Variants in YBEY observed in about 807,000 individuals in gnomAD.
The protein encoded by YBEY is endoribonuclease YbeY.
In YBEY, 15 loss-of-function variants were observed where a neutral mutation model predicts 13.5. The observed-to-expected ratio is 1.11, with a 90% CI of 0.75 to 1.72. The LOEUF is 1.72. YBEY is among the 40% of genes most tolerant of loss of function. YBEY has a pLI of 0.00. For synonymous variants in YBEY, 101 were observed against 83.1 expected, an observed-to-expected ratio of 1.21 and a Z score of -1.17; for missense variants, 244 against 208.4, an observed-to-expected ratio of 1.17 and a Z score of -1.05.
intron 3 of YBEY, among the ~76,000 whole-genome samples, chr21:46,295,397 C>A (rs978384446): frequency 7.9e-5 from 12 of 152,164 alleles, no homozygotes; most frequent in African/African-American, 2.9e-4. Flanking sequence ...TCCACCCAAA[C>A]CCCAGGGGAG....
In YBEY at chr21:46,297,579, G is replaced by T. The variant is rs61736728; in HGVS notation, c.449G>T (p.Arg150Leu). ...AAGGCGGTGCTGGACGAGCTGGGCC[G>T]ACGCACGGGGACCCGGCTGCAGCCC... ...KEKAVLDELG[R>L]RTGTRLQPLT... The change falls in exon 5 of 5, where the codon CGA becomes CTA. Residue 150 changes from arginine (R) to leucine (L), a missense_variant. By Grantham distance (102) the Arg-to-Leu change is moderately radical. Transcript: ENST00000397701. 75,918 of 1,387,146 alleles carry T rather than the reference G, an allele frequency of 0.055. 2,404 individuals carry two copies. Among genetic ancestry groups the T allele is most frequent in the Non-Finnish European group, 0.063 (66,203 of 1,055,830 alleles). The allele number at this position is 1,387,146 out of a possible 1,614,324, so 85.9% of individuals were successfully genotyped here. A position where few individuals can be genotyped will look rare whatever the true frequency, so the allele number is the denominator to read the frequency against.
the YBEY span, among the ~76,000 whole-genome samples, chr21:46,306,370 A>G: frequency 3.3e-5 from 5 of 150,530 alleles, no homozygotes; most frequent in Non-Finnish European, 7.4e-5. Flanking sequence ...ATGGTGGCAC[A>G]CGCCTGTAGT....
chr21:46,303,708 A>AATATATAT, the YBEY span, among the ~76,000 whole-genome samples: 13 of 37,276 alleles, frequency 3.5e-4, no homozygotes, highest in Admixed American at 4.7e-4. Flanking sequence ...ACACACACAA[A>AATATATAT]ATATATATAT....
downstream of YBEY, chr21:46,302,667 G>A (rs1174838608): frequency 1.0e-6 from 1 of 977,224 alleles, no homozygotes; most frequent in Non-Finnish European, 1.6e-6. Context: ...GAGAACAGGT[G>A]TGTCTGTACA....
chr21:46,295,028 G>C (rs1324112085), intron 3 of YBEY, among the ~76,000 whole-genome samples: 1 of 152,174 alleles, frequency 6.6e-6, no homozygotes, highest in African/African-American at 2.4e-5. Flanking sequence ...GAGTTTCTGA[G>C]AGTGACAGGA....
the YBEY span, among the ~76,000 whole-genome samples, chr21:46,308,462 A>G: frequency 6.6e-5 from 10 of 151,924 alleles, no homozygotes; most frequent in Non-Finnish European, 1.3e-4. Flanking sequence ...CTCCATCTCA[A>G]AAAAAAAGAG....
At chr21:46,304,504 C>CA in the YBEY span, among the ~76,000 whole-genome samples, 1 of 151,228 alleles carries the variant, frequency 6.6e-6, no homozygotes, top group East Asian at 2.0e-4. Context: ...AAAAAAACCT[C>CA]AAAAAACAAA....
the YBEY span, among the ~76,000 whole-genome samples, chr21:46,304,018 T>TG: frequency 8.5e-6 from 1 of 117,160 alleles, no homozygotes; most frequent in African/African-American, 3.1e-5. Context: ...CCCAAAGTGC[T>TG]GGTTTTTTTT....
chr21:46,302,100 C>T (rs1170782039), downstream of YBEY: 2 of 1,532,018 alleles, frequency 1.3e-6, no homozygotes, highest in Non-Finnish European at 1.8e-6. Flanking sequence ...TGGTGCACGG[C>T]AGGCAGCCTT....
the YBEY span, among the ~76,000 whole-genome samples, chr21:46,302,984 G>A: frequency 2.0e-5 from 3 of 151,362 alleles, no homozygotes; most frequent in Admixed American, 6.6e-5. Flanking sequence ...TCCCCGGGGC[G>A]CGCCCTGAGT....
the YBEY span, chr21:46,311,409 G>A: frequency 5.2e-6 from 6 of 1,146,888 alleles, no homozygotes; most frequent in African/African-American, 1.5e-5. Flanking sequence ...TTCCCTTTCA[G>A]TAGATAATTT....
At chr21:46,294,636 G>A (rs77245511) in intron 3 of YBEY, among the ~76,000 whole-genome samples, 2,660 of 36,030 alleles carry the variant, frequency 0.074, 335 homozygotes, top group African/African-American at 0.18. Context: ...ACGCAAGTTA[G>A]ACTCTAGATT....
chr21:46,311,563 G>A, the YBEY span: 1 of 1,605,318 alleles, frequency 6.2e-7, no homozygotes, highest in African/African-American at 1.3e-5. Flanking sequence ...AGGAGGCTGG[G>A]GGACCTAGGA....
At chr21:46,291,963 C>A (rs1036466542) in intron 3 of YBEY, 4 of 539,986 alleles carry the variant, frequency 7.4e-6, no homozygotes, top group Admixed American at 1.3e-4. Flanking sequence ...TTATTCAACT[C>A]AATCTCCCAG....
chr21:46,302,123 C>T (rs892273978), downstream of YBEY: 33 of 1,519,714 alleles, frequency 2.2e-5, no homozygotes, highest in African/African-American at 5.6e-5. Flanking sequence ...CCTGGCAGCT[C>T]GTGGGACCCT....
At chr21:46,309,586 A>G in the YBEY span, among the ~76,000 whole-genome samples, 1 of 152,240 alleles carries the variant, frequency 6.6e-6, no homozygotes, top group African/African-American at 2.4e-5. Flanking sequence ...CTACTCAGCA[A>G]TTAGAAGGAA....
chr21:46,302,766 G>A, the YBEY span, among the ~76,000 whole-genome samples: 43 of 112,506 alleles, frequency 3.8e-4, no homozygotes, highest in African/African-American at 1.4e-3. Flanking sequence ...CACACGGTGC[G>A]GGTCCCCGGG....
downstream of YBEY, chr21:46,300,828 A>G (rs1430399054): frequency 1.0e-5 from 13 of 1,247,062 alleles, no homozygotes; most frequent in Non-Finnish European, 1.4e-5. Flanking sequence ...TATGTATACT[A>G]CTTAAAAATA....
At chr21:46,297,106 C>T (rs2081976484) in intron 4 of YBEY, among the ~76,000 whole-genome samples, 1 of 152,102 alleles carries the variant, frequency 6.6e-6, no homozygotes, top group Non-Finnish European at 1.5e-5. Flanking sequence ...CAAGACCAGT[C>T]TGGCCAACAT....
Sources: gnomAD v4.1 joint callset for allele counts (sites outside exome capture counted in the v4.1 genomes callset) on GRCh38, gnomAD v4.1.1 for gene constraint, MANE v1.5 for transcripts, NCBI Gene and HGNC (gene_info 2026-07-23, HGNC 2026-07-21) for gene names.